Variants in PKHD1 observed in about 807,000 individuals in gnomAD.
PKHD1 encodes the protein fibrocystin.
Under a neutral mutation model 412.0 loss-of-function variants are expected in PKHD1, and 291 were observed. The ratio of observed to expected loss-of-function variants is 0.71; its 90% CI spans 0.64 to 0.78. The LOEUF (loss-of-function observed/expected upper bound fraction) is 0.78. Among genes scored for constraint, PKHD1 ranks in the 30% least tolerant of loss-of-function variants. The probability of loss-of-function intolerance (pLI) is 0.00; values close to 1 mark genes in which losing one functional copy is unlikely to be tolerated. For synonymous variants in PKHD1, 1,777 were observed against 1,821.5 expected (o/e 0.98, Z 0.62); for missense variants, 4,825 against 4,950.7 (o/e 0.97, Z 0.76).
intron 60 of PKHD1, among the ~76,000 whole-genome samples, chr6:51,719,887 C>T (rs73442837): frequency 0.028 from 4,264 of 152,090 alleles, 216 homozygotes; most frequent in African/African-American, 0.098. Flanking sequence ...ACATATATGC[C>T]ATGTCTCCAT....
intron 55 of PKHD1, among the ~76,000 whole-genome samples, chr6:51,758,256 A>G (rs1787401480): frequency 6.6e-6 from 1 of 152,128 alleles, no homozygotes; most frequent in Non-Finnish European, 1.5e-5. Flanking sequence ...TTCGGGTTCT[A>G]TACATCATGA....
At chr6:51,706,011 G>A (rs866485302) in intron 60 of PKHD1, among the ~76,000 whole-genome samples, 5 of 152,226 alleles carry the variant, frequency 3.3e-5, no homozygotes, top group Middle Eastern at 3.4e-3. Flanking sequence ...CGGTGATACA[G>A]ATAGCATTTA....
At chr6:51,751,553 C>A (rs1463582117) in intron 57 of PKHD1, among the ~76,000 whole-genome samples, 1 of 152,158 alleles carries the variant, frequency 6.6e-6, no homozygotes, top group Non-Finnish European at 1.5e-5. Flanking sequence ...ACCTTTGCAG[C>A]TTTTCTATAA....
chr6:51,618,914 TAAG>T lies in PKHD1; in HGVS notation c.*164_*166del. 1 of 687,238 alleles carries T rather than the reference TAAG, an allele frequency of 1.5e-6. No individual in the cohort carries two copies. Among genetic ancestry groups the T allele is most frequent in the Admixed American group, 2.3e-5 (1 of 44,128 alleles). The allele number at this position is 687,238 out of a possible 1,614,324, so 42.6% of individuals were successfully genotyped here. Reference sequence around the variant, plus strand: ...TATGTATGAGACATTTTTCAGTCTGTAAGCATTTATATGACTGTTTTCCATTTT... The same window carrying T: ...TATGTATGAGACATTTTTCAGTCTGTCATTTATATGACTGTTTTCCATTTT... On this transcript the variant is annotated 3_prime_UTR_variant, in exon 67 of 67. Coordinates refer to ENST00000371117, the MANE Select transcript of PKHD1 (RefSeq NM_138694.4).
At chr6:51,882,995 A>C in intron 46 of PKHD1, 98 bp downstream of exon 46, 1 of 867,636 alleles carries the variant, frequency 1.2e-6, no homozygotes, top group Non-Finnish European at 1.9e-6. Context: ...TTCACTAAAG[A>C]ATGCTATTAA....
intron 52 of PKHD1, among the ~76,000 whole-genome samples, chr6:51,806,696 T>G (rs200718200): frequency 3.5e-5 from 1 of 28,724 alleles, no homozygotes; most frequent in Non-Finnish European, 8.0e-5. Flanking sequence ...TAGATGAGGG[T>G]TTTTTTTTAA....
At chr6:51,927,106 A>G (rs1785762070) in intron 37 of PKHD1, among the ~76,000 whole-genome samples, 1 of 152,158 alleles carries the variant, frequency 6.6e-6, no homozygotes, top group Non-Finnish European at 1.5e-5. Context: ...AATTTTCCTC[A>G]TCCTCCTTTC....
intron 35 of PKHD1, among the ~76,000 whole-genome samples, chr6:51,966,327 A>G (rs901785310): frequency 1.8e-4 from 27 of 152,194 alleles, no homozygotes; most frequent in African/African-American, 6.3e-4. Flanking sequence ...CAGGTAGATG[A>G]GAGACAAATG....
chr6:52,058,550 C>A lies in PKHD1; in HGVS notation c.1285G>T (p.Glu429Ter), dbSNP rs372376237. Residue 429 changes from glutamate to a stop codon, truncating the protein, a stop_gained, in exon 16 of 67, where the codon GAG becomes TAG. Transcript: ENST00000371117. LOFTEE classifies it high-confidence loss of function. ...VGTADWFDSW[E>*]QNRDEGTWQQ... ...CAGGTCCCTTCATCCCTATTCTGCT[C>A]CCAGGAGTCAAACCAGTCAGCAGTG... is the stretch of plus-strand genomic sequence containing the variant. 1 of 1,614,182 alleles carries A rather than the reference C, an allele frequency of 6.2e-7. No homozygotes were observed. Among genetic ancestry groups the A allele is most frequent in the Non-Finnish European group, 8.5e-7 (1 of 1,180,038 alleles).
intron 60 of PKHD1, among the ~76,000 whole-genome samples, chr6:51,726,826 AATAGCCTCCCTAGGATGC>A: frequency 6.6e-6 from 1 of 152,184 alleles, no homozygotes; most frequent in Non-Finnish European, 1.5e-5. Context: ...TGTGCTGAAT[AATAGCCTCCCTAGGATGC>A]TTATGCCCTA....
intron 49 of PKHD1, among the ~76,000 whole-genome samples, chr6:51,851,009 T>C (rs988918083): frequency 1.3e-5 from 2 of 152,214 alleles, no homozygotes; most frequent in Non-Finnish European, 2.9e-5. Context: ...TTTGGCCCAT[T>C]CAATATGACA....
intron 60 of PKHD1, among the ~76,000 whole-genome samples, chr6:51,743,823 T>A (rs984559976): frequency 6.6e-6 from 1 of 152,028 alleles, no homozygotes; most frequent in Non-Finnish European, 1.5e-5. Context: ...AAGACAATGA[T>A]CTCTCCAGGG....
Position 51,887,150 on chromosome 6 carries a change from A to C in PKHD1, c.7092T>G (p.Ile2364Met), listed in dbSNP as rs755488016. The change falls in exon 44 of 67, where the codon ATT becomes ATG. Residue 2364 changes from isoleucine (I) to methionine (M), a missense_variant. Coordinates refer to ENST00000371117, the MANE Select transcript of PKHD1 (RefSeq NM_138694.4). ...QAPLLSFTQN[I>M]AHSCTRYGLF... Reference sequence around the variant, plus strand: ...AAAGTTACCTGGTACAAGAATGTGCAATGTTCTGAGTGAAGGAAAGAAGCG... The same window carrying C: ...AAAGTTACCTGGTACAAGAATGTGCCATGTTCTGAGTGAAGGAAAGAAGCG... 5.6e-6 allele frequency: 9 copies of C among 1,608,224 alleles called. No individual in the cohort carries two copies. In the East Asian group the frequency reaches 2.0e-4, roughly 36 times the overall value.
intron 32 of PKHD1, among the ~76,000 whole-genome samples, chr6:52,023,282 C>A (rs1318454486): frequency 6.6e-6 from 1 of 152,094 alleles, no homozygotes; most frequent in Non-Finnish European, 1.5e-5. Flanking sequence ...CATCTGACTC[C>A]CTCCCCGGAG....
chr6:52,014,749 GATGGATGGATGGATGA>G (rs1257773571), intron 34 of PKHD1, among the ~76,000 whole-genome samples: 3 of 128,920 alleles, frequency 2.3e-5, no homozygotes, highest in Admixed American at 7.8e-5. Flanking sequence ...TGGATGGATG[GATGGATGGATGGATGA>G]ATATACTGGA....
chr6:51,909,249 A>G (rs767993095), intron 40 of PKHD1, 34 bp downstream of exon 40: 1 of 1,532,454 alleles, frequency 6.5e-7, no homozygotes, highest in Non-Finnish European at 9.0e-7. Flanking sequence ...GGGAGAAAGA[A>G]ACATGAGAAA....
At chr6:51,661,353 A>G (rs1772837779) in intron 60 of PKHD1, among the ~76,000 whole-genome samples, 1 of 152,148 alleles carries the variant, frequency 6.6e-6, no homozygotes, top group Non-Finnish European at 1.5e-5. Context: ...AATAGGGTAT[A>G]AGAGAAGGGG....
rs558341313 is a variant in PKHD1 at position 51,896,982 on chromosome 6, G to C, written c.6996+6615C>G. ...TAGAGAAAAAAGAATAAAAAGAAAT[G>C]AGCAAAGCCTCCAAGAAATATGGGA... On this transcript the variant is annotated intron_variant, in intron 43 of 66. Coordinates refer to ENST00000371117, the MANE Select transcript of PKHD1 (RefSeq NM_138694.4). Among the ~76,000 whole-genome samples, 399 of 151,878 alleles carry C rather than the reference G, an allele frequency of 2.6e-3. 3 individuals carry two copies. Among genetic ancestry groups the C allele is most frequent in the African/African-American group, 8.9e-3 (369 of 41,414 alleles).
In PKHD1 at chr6:52,043,586, C is replaced by T. The variant is rs374256457; in HGVS notation, c.2821+39G>A. ...CTCTAACAAAATCACTGCAAGTCTC[C>T]GGCTTAAGCCCATCTCAGAGCCAAG... is the stretch of plus-strand genomic sequence containing the variant. On this transcript the variant is annotated intron_variant, in intron 26 of 66. Coordinates refer to ENST00000371117, the MANE Select transcript of PKHD1 (RefSeq NM_138694.4). The T allele has an allele frequency of 8.6e-5, 122 of 1,414,380 alleles. No individual in the cohort carries two copies. The Middle Eastern group carries it at 1.4e-3, about 16-fold the overall frequency. 87.6% of individuals were successfully genotyped at this position (1,414,380 alleles called of 1,614,324 possible). A position where few individuals can be genotyped will look rare whatever the true frequency, so the allele number is the denominator to read the frequency against.
Sources: allele counts gnomAD v4.1 joint callset (sites outside exome capture counted in the v4.1 genomes callset), GRCh38; gene constraint gnomAD v4.1.1; transcripts MANE v1.5; gene names NCBI Gene and HGNC (gene_info 2026-07-23, HGNC 2026-07-21).